The following PRICKLE2 variants were observed in gnomAD, a reference collection of about 807,000 sequenced individuals.
PRICKLE2 encodes the protein prickle planar cell polarity protein 2.
PRICKLE2 carries 21 observed loss-of-function variants against 81.4 expected under a neutral mutation model. The ratio of observed to expected loss-of-function variants is 0.26; its 90% CI spans 0.18 to 0.37. The LOEUF is 0.37. PRICKLE2 is among the 10% of genes least tolerant of loss of function. PRICKLE2 has a pLI of 1.00. For synonymous variants in PRICKLE2, 456 were observed against 421.5 expected, an observed-to-expected ratio of 1.08 and a Z score of -1.00; for missense variants, 940 against 1,109.0, an observed-to-expected ratio of 0.85 and a Z score of 2.16.
chr3:64,147,617 G>T lies in PRICKLE2; in HGVS notation c.873C>A (p.Ser291=). The change falls in exon 7 of 8, where the codon TCC becomes TCA. Residue 291 remains serine, a synonymous_variant. Coordinates refer to ENST00000638394, the MANE Select transcript of PRICKLE2 (RefSeq NM_198859.4). The surrounding 1 kb of genome is among the most constrained non-coding windows in gnomAD (Gnocchi z 5.0). Reference sequence around the variant, plus strand: ...TCGGGAGGAATGGCCGCCCCAGGAGGGATTTCTTGCAGTGAGCACAGCAGA... The same window carrying T: ...TCGGGAGGAATGGCCGCCCCAGGAGTGATTTCTTGCAGTGAGCACAGCAGA... ...TCFCCAHCKK[S]LLGRPFLPKQ... 1.2e-6 allele frequency: 2 copies of T among 1,614,164 alleles called. No individual in the cohort carries two copies. The highest frequency in any genetic ancestry group is 1.7e-6 in the Non-Finnish European group (2 of 1,180,042).
chr3:64,143,010 T>A (rs1162083388), intron 7 of PRICKLE2, among the ~76,000 whole-genome samples: 1 of 152,098 alleles, frequency 6.6e-6, no homozygotes, highest in Non-Finnish European at 1.5e-5. Context: ...TAACTATTAA[T>A]TAATTAGAAA....
At chr3:64,199,899 C>T (rs979712508) in intron 1 of PRICKLE2, 6 of 152,030 alleles carry the variant, frequency 3.9e-5, no homozygotes, top group East Asian at 3.8e-4. Flanking sequence ...TATTAGTTTC[C>T]GTAGCACCTT....
intron 1 of PRICKLE2, among the ~76,000 whole-genome samples, chr3:64,202,945 T>C (rs1175240957): frequency 6.6e-6 from 1 of 152,216 alleles, no homozygotes; most frequent in Non-Finnish European, 1.5e-5. Context: ...TTCTCTTCTA[T>C]GCTAGTTTGT....
intron 1 of PRICKLE2, among the ~76,000 whole-genome samples, chr3:64,212,493 C>A (rs184006046): frequency 1.3e-5 from 2 of 152,220 alleles, no homozygotes; most frequent in African/African-American, 2.4e-5. Context: ...AACACCTCTT[C>A]GTTTGCTTTT....
At position 64,098,966 on chromosome 3, in the gene PRICKLE2, A is replaced by C. The variant is rs1267226780; in HGVS notation, c.*85T>G. ...TTTCTCCCCCATAAGCCACCCCCAA[A>C]AGCGCTTTAACATTTAAAACAGTGC... On this transcript the variant is annotated 3_prime_UTR_variant, in exon 8 of 8. Transcript: ENST00000638394. The C allele has an allele frequency of 1.9e-6, 3 of 1,538,762 alleles. No individual in the cohort carries two copies. The highest frequency in any genetic ancestry group is 2.7e-6 in the Non-Finnish European group (3 of 1,114,022).
intron 7 of PRICKLE2, among the ~76,000 whole-genome samples, chr3:64,129,225 C>T (rs2077163877): frequency 6.6e-6 from 1 of 152,218 alleles, no homozygotes. Flanking sequence ...AGTTTAACCA[C>T]TTGCTAATCT....
chr3:64,208,833 C>G (rs2078736388), intron 1 of PRICKLE2, among the ~76,000 whole-genome samples: 1 of 152,216 alleles, frequency 6.6e-6, no homozygotes, highest in Non-Finnish European at 1.5e-5. Flanking sequence ...GACTCTAAAA[C>G]CAGTGCTTTC....
chr3:64,185,821 C>T (rs576777647), intron 2 of PRICKLE2, among the ~76,000 whole-genome samples: 2 of 152,276 alleles, frequency 1.3e-5, no homozygotes, highest in Admixed American at 1.3e-4. Context: ...TGCAAGTATA[C>T]AATTTGGTAA....
chr3:64,172,620 G>C (rs1245648740), intron 2 of PRICKLE2, among the ~76,000 whole-genome samples: 1 of 152,190 alleles, frequency 6.6e-6, no homozygotes, highest in Non-Finnish European at 1.5e-5. Flanking sequence ...AGAGGCACAG[G>C]CTGAAGGCTC....
rs528407180 is a variant in PRICKLE2 at position 64,110,661 on chromosome 3, G to C, written c.1661-10736C>G. Among the ~76,000 whole-genome samples the C allele has an allele frequency of 3.4e-4, 52 of 152,266 alleles. 1 individual carries two copies. The highest frequency in any genetic ancestry group is 1.2e-3 in the African/African-American group (49 of 41,554). ...GAAGGAGCCCACCCAGCCAAGGGCA[G>C]GGAAAAGTGTTCCAGGCAGAGGGAG... On this transcript the variant is annotated intron_variant, in intron 7 of 7. Coordinates refer to ENST00000638394, the MANE Select transcript of PRICKLE2 (RefSeq NM_198859.4).
intron 2 of PRICKLE2, among the ~76,000 whole-genome samples, chr3:64,172,450 G>C (rs2077948977): frequency 1.3e-5 from 2 of 152,214 alleles, no homozygotes; most frequent in Admixed American, 6.5e-5. Flanking sequence ...GATTGTTTGG[G>C]TTCCAATAAT....
chr3:64,174,067 T>G (rs2077978544), intron 2 of PRICKLE2, among the ~76,000 whole-genome samples: 1 of 152,144 alleles, frequency 6.6e-6, no homozygotes, highest in Admixed American at 6.5e-5. Flanking sequence ...TTAATAAAAC[T>G]CCTTTTTTAT....
intron 2 of PRICKLE2, among the ~76,000 whole-genome samples, chr3:64,177,946 T>G (rs2078054641): frequency 6.6e-6 from 1 of 152,230 alleles, no homozygotes; most frequent in Non-Finnish European, 1.5e-5. Context: ...GATGATATGG[T>G]AATTCTGTTT....
chr3:64,141,813 C>T (rs1053174228), intron 7 of PRICKLE2: 1 of 985,244 alleles, frequency 1.0e-6, no homozygotes, highest in Non-Finnish European at 1.2e-6. Context: ...AGATTAAACA[C>T]TACAGACTTA....
intron 7 of PRICKLE2, among the ~76,000 whole-genome samples, chr3:64,138,658 G>A (rs1016883941): frequency 3.3e-5 from 5 of 152,344 alleles, no homozygotes; most frequent in African/African-American, 1.2e-4. Context: ...TTAGAATTCT[G>A]ACACTTCCAA....
At chr3:64,128,518 C>A (rs1252390228) in intron 7 of PRICKLE2, among the ~76,000 whole-genome samples, 1 of 151,994 alleles carries the variant, frequency 6.6e-6, no homozygotes, top group Admixed American at 6.6e-5. Context: ...GAGCTCACAG[C>A]GGGCGGATCA....
chr3:64,242,713 T>G (rs1025720326), intron 2 of PRICKLE2, among the ~76,000 whole-genome samples: 3 of 152,226 alleles, frequency 2.0e-5, no homozygotes, highest in African/African-American at 7.2e-5. Context: ...CTGCTTCTCT[T>G]TGGGTACACT....
intron 2 of PRICKLE2, among the ~76,000 whole-genome samples, chr3:64,245,374 C>A (rs769292688): frequency 5.3e-5 from 8 of 152,132 alleles, no homozygotes; most frequent in Admixed American, 2.0e-4. Flanking sequence ...TTTGTAGTCA[C>A]GGCTATCTCA....
intron 2 of PRICKLE2, among the ~76,000 whole-genome samples, chr3:64,189,318 A>G (rs2078291641): frequency 6.6e-6 from 1 of 152,172 alleles, no homozygotes; most frequent in South Asian, 2.1e-4. Flanking sequence ...TGAATTCCTT[A>G]GTCACTAAGG....
Sources: gnomAD v4.1 joint callset for allele counts (sites outside exome capture counted in the v4.1 genomes callset) on GRCh38, gnomAD v4.1.1 for gene constraint, Gnocchi (gnomAD v3.1) non-coding constraint, MANE v1.5 for transcripts, NCBI Gene and HGNC (gene_info 2026-07-23, HGNC 2026-07-21) for gene names.